The following DOCK2 variants were observed in gnomAD, a reference collection of about 807,000 sequenced individuals.
DOCK2 encodes the protein dedicator of cytokinesis protein 2.
DOCK2 carries 87 observed loss-of-function variants against 248.9 expected under a neutral mutation model. The observed-to-expected ratio is 0.35, with a 90% CI of 0.29 to 0.42. The LOEUF is 0.42. Ranked by LOEUF, DOCK2 falls within the 10% of genes least tolerant of loss-of-function variation. The probability of loss-of-function intolerance (pLI) is 1.00; values close to 1 mark genes in which losing one functional copy is unlikely to be tolerated. For missense variants in DOCK2, 1,747 were observed against 2,300.2 expected (o/e 0.76, Z 4.92); for synonymous variants, 805 against 821.6 (o/e 0.98, Z 0.35).
chr5:169,854,187 CA>C (rs1770774692), intron 27 of DOCK2, among the ~76,000 whole-genome samples: 2 of 143,194 alleles, frequency 1.4e-5, no homozygotes, highest in Admixed American at 7.2e-5. Flanking sequence ...CTTACTGAAA[CA>C]TTTTTTTTTT....
At chr5:170,041,166 G>C in intron 37 of DOCK2, 21 bp downstream of exon 37, 1 of 1,599,944 alleles carries the variant, frequency 6.3e-7, no homozygotes, top group South Asian at 1.1e-5. Flanking sequence ...TTTGGGTGAA[G>C]GGCATTTATG....
At chr5:169,816,681 C>CT (rs1021838276) in intron 26 of DOCK2, among the ~76,000 whole-genome samples, 3 of 151,754 alleles carry the variant, frequency 2.0e-5, no homozygotes, top group Non-Finnish European at 4.4e-5. Flanking sequence ...CCCTCCTTTT[C>CT]TTTTTTTTAA....
At chr5:169,709,953 A>G (rs1284523532) in intron 15 of DOCK2, among the ~76,000 whole-genome samples, 1 of 152,224 alleles carries the variant, frequency 6.6e-6, no homozygotes, top group Admixed American at 6.5e-5. Context: ...TCCTGGGGCT[A>G]GGATTCTGTT....
intron 30 of DOCK2, among the ~76,000 whole-genome samples, chr5:170,006,227 C>T (rs953959933): frequency 6.6e-6 from 1 of 152,200 alleles, no homozygotes; most frequent in Admixed American, 6.5e-5. Flanking sequence ...ACATAAGCAA[C>T]GTTGCTACGG....
At chr5:170,008,392 G>A (rs2287726) in intron 30 of DOCK2, 105 bp from the exon 31 acceptor site, 15 of 1,193,582 alleles carry the variant, frequency 1.3e-5, no homozygotes, top group African/African-American at 1.1e-4. Flanking sequence ...AAACTGGTTC[G>A]GCCTCTGTCT....
chr5:169,922,145 C>T (rs765473191), intron 27 of DOCK2, among the ~76,000 whole-genome samples: 3 of 152,196 alleles, frequency 2.0e-5, no homozygotes, highest in Non-Finnish European at 4.4e-5. Flanking sequence ...TAATGTCAGT[C>T]ATCAATATTT....
intron 26 of DOCK2, among the ~76,000 whole-genome samples, chr5:169,825,872 G>A (rs1037384950): frequency 2.6e-5 from 4 of 151,134 alleles, no homozygotes; most frequent in Non-Finnish European, 5.9e-5. Context: ...CCTGGAAGAC[G>A]AGTCACAACA....
intron 27 of DOCK2, among the ~76,000 whole-genome samples, chr5:169,972,795 G>A (rs899594093): frequency 2.0e-5 from 3 of 152,292 alleles, no homozygotes; most frequent in South Asian, 2.1e-4. Context: ...CGGGAAAAAT[G>A]TTCTCCAATG....
At chr5:169,731,583 C>A (rs902215521) in intron 22 of DOCK2, among the ~76,000 whole-genome samples, 1 of 152,040 alleles carries the variant, frequency 6.6e-6, no homozygotes, top group Non-Finnish European at 1.5e-5. Flanking sequence ...TAATACAGAC[C>A]CTTATTCCTC....
At chr5:169,726,677 T>C (rs545822892) in intron 22 of DOCK2, among the ~76,000 whole-genome samples, 3 of 152,340 alleles carry the variant, frequency 2.0e-5, no homozygotes, top group South Asian at 4.1e-4. Context: ...TGTTAAGTCA[T>C]GGGGACCCTG....
At chr5:169,981,411 C>T (rs1343602339) in intron 27 of DOCK2, among the ~76,000 whole-genome samples, 1 of 152,166 alleles carries the variant, frequency 6.6e-6, no homozygotes, top group East Asian at 1.9e-4. Context: ...TTTGTGGCAA[C>T]CCTGCATTGA....
intron 41 of DOCK2, among the ~76,000 whole-genome samples, chr5:170,051,139 G>A (rs1756900194): frequency 6.6e-6 from 1 of 152,222 alleles, no homozygotes; most frequent in Non-Finnish European, 1.5e-5. Context: ...GAAGTGGGGA[G>A]AATATCCCAG....
At chr5:170,037,615 T>C (rs1379888997) in intron 36 of DOCK2, among the ~76,000 whole-genome samples, 14 of 151,692 alleles carry the variant, frequency 9.2e-5, no homozygotes, top group African/African-American at 3.4e-4. Flanking sequence ...GCCTCCCGAG[T>C]AGCTGAGACT....
chr5:169,840,016 C>T (rs1769844983), intron 26 of DOCK2, among the ~76,000 whole-genome samples: 1 of 152,196 alleles, frequency 6.6e-6, no homozygotes, highest in African/African-American at 2.4e-5. Flanking sequence ...CTGTATTGGT[C>T]TGTTCTTGCG....
intron 1 of DOCK2, among the ~76,000 whole-genome samples, chr5:169,646,325 A>G (rs1051713035): frequency 1.3e-5 from 2 of 152,140 alleles, no homozygotes; most frequent in African/African-American, 4.8e-5. Flanking sequence ...CCAGTCCCAT[A>G]GCATGGTACA....
intron 46 of DOCK2, among the ~76,000 whole-genome samples, chr5:170,072,096 G>GTGTTTTT (rs1485920751): frequency 2.6e-5 from 4 of 152,092 alleles, no homozygotes; most frequent in Admixed American, 2.6e-4. Context: ...ACTTCCTTGT[G>GTGTTTTT]TGTTTTTTTG....
At chr5:169,842,756 A>G (rs972627473) in intron 27 of DOCK2, among the ~76,000 whole-genome samples, 27 of 152,200 alleles carry the variant, frequency 1.8e-4, no homozygotes, top group African/African-American at 6.5e-4. Context: ...CATAAGAAGC[A>G]CTAAATAAGT....
chr5:169,957,959 C>T (rs559648855), intron 27 of DOCK2, among the ~76,000 whole-genome samples: 3 of 152,264 alleles, frequency 2.0e-5, no homozygotes, highest in East Asian at 1.9e-4. Context: ...GGGAGTAGGG[C>T]GTCAGGAGAG....
chr5:169,695,924 C>T lies in DOCK2; in HGVS notation c.965C>T (p.Pro322Leu). The T allele has an allele frequency of 6.2e-7, 1 of 1,602,370 alleles. No homozygotes were observed. The highest frequency in any genetic ancestry group is 8.5e-7 in the Non-Finnish European group (1 of 1,174,640). ...AAGTGCACGCAGGGACTGAGGAGGC[C>T]CTTTGGGGTGGCAGGTAAGGGGCAC... ...AKKCTQGLRR[P>L]FGVAVMDITD... The change falls in exon 10 of 52, where the codon CCC (proline) becomes CTC (leucine). Residue 322 changes from proline (P) to leucine (L), a missense_variant. Pro to Leu is a moderately conservative substitution (Grantham distance 98, BLOSUM62 -3). This residue lies in a region of DOCK2 where 375 missense variants were observed against 510.9 expected (regional missense o/e 0.73). Transcript: ENST00000520908.
Sources: allele counts gnomAD v4.1 joint callset (sites outside exome capture counted in the v4.1 genomes callset), GRCh38; gene constraint gnomAD v4.1.1; regional missense constraint gnomAD v4.1.1; transcripts MANE v1.5; gene names NCBI Gene and HGNC (gene_info 2026-07-23, HGNC 2026-07-21).